KIAA1328: variants seen among roughly 807,000 people sequenced by gnomAD.
The protein encoded by KIAA1328 is KIAA1328, also known as protein hinderin.
Under a neutral mutation model 68.1 loss-of-function variants are expected in KIAA1328, and 52 were observed. That is an observed-to-expected ratio of 0.76 (90% CI 0.61 to 0.96). The LOEUF (loss-of-function observed/expected upper bound fraction) is 0.96. KIAA1328 is among the 40% of genes least tolerant of loss of function. KIAA1328 has a pLI of 0.00. For missense variants in KIAA1328, 641 were observed against 677.6 expected (o/e 0.95, Z 0.60); for synonymous variants, 232 against 239.4 (o/e 0.97, Z 0.28).
intron 5 of KIAA1328, among the ~76,000 whole-genome samples, chr18:36,907,648 C>G (rs2049272305): frequency 6.6e-6 from 1 of 152,008 alleles, no homozygotes; most frequent in South Asian, 2.1e-4. Context: ...TTATGTGTTA[C>G]TGGATTTTAT....
chr18:37,006,525 G>T (rs931674299), intron 6 of KIAA1328, among the ~76,000 whole-genome samples: 1 of 151,762 alleles, frequency 6.6e-6, no homozygotes, highest in African/African-American at 2.4e-5. Flanking sequence ...TCTCTTCTGT[G>T]ACTTTTTTTT....
chr18:37,094,370 A>C (rs1314473146), intron 7 of KIAA1328, among the ~76,000 whole-genome samples: 2 of 152,186 alleles, frequency 1.3e-5, no homozygotes, highest in East Asian at 1.9e-4. Flanking sequence ...GAAAAAAAAA[A>C]CCTGTCAGTC....
chr18:37,210,753 A>G (rs1040757751), intron 9 of KIAA1328, among the ~76,000 whole-genome samples: 1 of 152,012 alleles, frequency 6.6e-6, no homozygotes, highest in African/African-American at 2.4e-5. Context: ...TTCATTTTTT[A>G]TTTTTCTTTA....
chr18:36,859,691 C>T (rs1453127429), intron 4 of KIAA1328, among the ~76,000 whole-genome samples: 1 of 151,904 alleles, frequency 6.6e-6, no homozygotes, highest in African/African-American at 2.4e-5. Flanking sequence ...CTCAAGCTCT[C>T]CTCCTGCCTC....
At position 36,879,156 on chromosome 18, in the gene KIAA1328, A is replaced by G. The variant is rs926697404; in HGVS notation, c.333-6401A>G. Among the ~76,000 whole-genome samples, 276 of 147,824 alleles carry G rather than the reference A, an allele frequency of 1.9e-3. 1 individual carries two copies. The highest frequency in any genetic ancestry group is 1.9e-3 in the Non-Finnish European group (126 of 67,226). On this transcript the variant is annotated intron_variant, in intron 4 of 9. Transcript: ENST00000280020. ...GGTTTTTCCTCATCTTCATGGATTT[A>G]TCTACCTTTGGTCTTTGATGTTAGT...
At chr18:36,939,572 T>C (rs1435625533) in intron 5 of KIAA1328, among the ~76,000 whole-genome samples, 2 of 152,184 alleles carry the variant, frequency 1.3e-5, no homozygotes, top group Non-Finnish European at 2.9e-5. Context: ...TCTATTTGGA[T>C]GCCTTTTACT....
chr18:37,177,668 TTTTTGTTTTGTTTTA>T, intron 9 of KIAA1328, among the ~76,000 whole-genome samples: 1 of 152,054 alleles, frequency 6.6e-6, no homozygotes, highest in South Asian at 2.1e-4. Context: ...GCGTTAAAGG[TTTTTGTTTTGTTTTA>T]TTTTGTTTTG....
At chr18:36,888,832 C>T (rs2048586339) in intron 5 of KIAA1328, among the ~76,000 whole-genome samples, 1 of 152,060 alleles carries the variant, frequency 6.6e-6, no homozygotes, top group African/African-American at 2.4e-5. Flanking sequence ...ACCTATCATA[C>T]ATGAATGATT....
At chr18:36,985,048 A>G (rs2052858816) in intron 6 of KIAA1328, among the ~76,000 whole-genome samples, 1 of 152,134 alleles carries the variant, frequency 6.6e-6, no homozygotes, top group Non-Finnish European at 1.5e-5. Flanking sequence ...CACACCTAAA[A>G]TTCAAGCATT....
chr18:36,939,060 C>G (rs545982143), intron 5 of KIAA1328, among the ~76,000 whole-genome samples: 7 of 152,144 alleles, frequency 4.6e-5, no homozygotes, highest in Middle Eastern at 3.4e-3. Flanking sequence ...TCAAAACTTA[C>G]TGTGGTTATT....
At chr18:37,183,953 C>T (rs1214479412) in intron 9 of KIAA1328, among the ~76,000 whole-genome samples, 2 of 152,226 alleles carry the variant, frequency 1.3e-5, no homozygotes, top group Non-Finnish European at 2.9e-5. Context: ...CCTTCCTCTC[C>T]TGCCCCACAA....
chr18:37,158,784 T>C (rs929960515), intron 7 of KIAA1328, among the ~76,000 whole-genome samples: 1 of 152,048 alleles, frequency 6.6e-6, no homozygotes, highest in Admixed American at 6.6e-5. Flanking sequence ...GCAGTCAGTA[T>C]TGGGAGTCTG....
At chr18:36,931,594 A>G (rs920694126) in intron 5 of KIAA1328, among the ~76,000 whole-genome samples, 1 of 152,094 alleles carries the variant, frequency 6.6e-6, no homozygotes, top group Non-Finnish European at 1.5e-5. Context: ...CTCTGCAAGT[A>G]GTGAGAGAAC....
chr18:36,953,380 AGAT>A (rs2051248723), intron 5 of KIAA1328, among the ~76,000 whole-genome samples: 1 of 45,392 alleles, frequency 2.2e-5, no homozygotes. Context: ...AACTATAGAT[AGAT>A]AGATAGATAG....
chr18:37,121,938 GATT>G (rs1232621629), intron 7 of KIAA1328, among the ~76,000 whole-genome samples: 1 of 152,038 alleles, frequency 6.6e-6, no homozygotes, highest in Non-Finnish European at 1.5e-5. Flanking sequence ...CTCCAAGAGA[GATT>G]ATTACAGAAA....
rs577390267 is a variant in KIAA1328 at position 37,036,162 on chromosome 18, C to T, written c.577-30728C>T. On this transcript the variant is annotated intron_variant, in intron 6 of 9. Coordinates refer to ENST00000280020, the MANE Select transcript of KIAA1328 (RefSeq NM_020776.3). Reference sequence around the variant, plus strand: ...GATTACAGATCTTGGTGCTGCCTTGCGTCTTTGCTCAGAAAACTGCTCTGT... The same window carrying T: ...GATTACAGATCTTGGTGCTGCCTTGTGTCTTTGCTCAGAAAACTGCTCTGT... Among the ~76,000 whole-genome samples, 8 of 152,276 alleles carry T rather than the reference C, an allele frequency of 5.3e-5. No individual in the cohort carries two copies. In the East Asian group the frequency reaches 7.7e-4, roughly 15 times the overall value.
chr18:36,992,031 A>G (rs2053198339), intron 6 of KIAA1328, among the ~76,000 whole-genome samples: 1 of 152,184 alleles, frequency 6.6e-6, no homozygotes, highest in South Asian at 2.1e-4. Flanking sequence ...GGAGTTGAAC[A>G]TCTTTTCATA....
At chr18:37,015,656 G>A (rs947675270) in intron 6 of KIAA1328, among the ~76,000 whole-genome samples, 41 of 152,004 alleles carry the variant, frequency 2.7e-4, no homozygotes, top group African/African-American at 9.7e-4. Context: ...TCATTTGTTT[G>A]TGTCACTTGT....
At chr18:37,039,604 G>A (rs905543806) in intron 6 of KIAA1328, among the ~76,000 whole-genome samples, 4 of 151,944 alleles carry the variant, frequency 2.6e-5, no homozygotes, top group Non-Finnish European at 5.9e-5. Flanking sequence ...GTAGAGATGG[G>A]GTTTCACCAT....
Sources: allele counts gnomAD v4.1 joint callset (sites outside exome capture counted in the v4.1 genomes callset), GRCh38; gene constraint gnomAD v4.1.1; transcripts MANE v1.5; gene names NCBI Gene and HGNC (gene_info 2026-07-23, HGNC 2026-07-21).